LRP1B: variants seen among roughly 807,000 people sequenced by gnomAD.
LRP1B encodes LDL receptor related protein 1B.
Under a neutral mutation model 556.6 loss-of-function variants are expected in LRP1B, and 217 were observed. The ratio of observed to expected loss-of-function variants is 0.39; its 90% confidence interval spans 0.35 to 0.44. LRP1B has a LOEUF of 0.44. LRP1B is among the 20% of genes least tolerant of loss of function. The probability of loss-of-function intolerance (pLI) is 1.00; values close to 1 mark genes in which losing one functional copy is unlikely to be tolerated. For missense variants in LRP1B, 5,053 were observed against 5,620.8 expected, an observed-to-expected ratio of 0.90 and a Z score of 3.23; for synonymous variants, 2,047 against 1,865.8, an observed-to-expected ratio of 1.10 and a Z score of -2.50.
intron 1 of LRP1B, among the ~76,000 whole-genome samples, chr2:141,990,422 A>G (rs1163590666): frequency 6.6e-6 from 1 of 152,088 alleles, no homozygotes; most frequent in African/African-American, 2.4e-5. Context: ...AATTTATAGC[A>G]GTAATCTTGC....
At chr2:141,968,503 T>C (rs1369294380) in intron 1 of LRP1B, among the ~76,000 whole-genome samples, 1 of 151,670 alleles carries the variant, frequency 6.6e-6, no homozygotes, top group Non-Finnish European at 1.5e-5. Context: ...CACATGTAAA[T>C]ATGCAAAATA....
At position 141,707,164 on chromosome 2, in the gene LRP1B, C is replaced by A. The variant is rs1574265875; in HGVS notation, c.205+103115G>T. Among the ~76,000 whole-genome samples the A allele has an allele frequency of 2.6e-5, 4 of 152,202 alleles. No homozygotes were observed. The South Asian group carries it at 6.2e-4, about 24-fold the overall frequency. The stretch of plus-strand genomic sequence containing the variant: ...CATAGGTATATGGACTATGACTTTA[C>A]CTTCTGGAATGTGTGACGGTTTTGT... On this transcript the variant is annotated intron_variant, in intron 2 of 90. Coordinates refer to ENST00000389484, the MANE Select transcript of LRP1B (RefSeq NM_018557.3).
At chr2:141,729,238 C>T (rs1693169436) in intron 2 of LRP1B, among the ~76,000 whole-genome samples, 1 of 152,136 alleles carries the variant, frequency 6.6e-6, no homozygotes. Flanking sequence ...CACAGGACTT[C>T]CTTGGGGGCA....
chr2:141,650,749 T>G (rs919822964), intron 2 of LRP1B, among the ~76,000 whole-genome samples: 1 of 152,166 alleles, frequency 6.6e-6, no homozygotes, highest in Non-Finnish European at 1.5e-5. Context: ...GTGAATCAGT[T>G]TGAAAAAAAG....
At chr2:140,495,826 A>G (rs1688900679) in intron 55 of LRP1B, 78 bp from the exon 56 acceptor site, 1 of 1,173,420 alleles carries the variant, frequency 8.5e-7, no homozygotes, top group South Asian at 1.6e-5. Context: ...TTTAGCATTA[A>G]GCAAGAAAAG....
chr2:140,587,058 A>G (rs1225162216), intron 43 of LRP1B, among the ~76,000 whole-genome samples: 1 of 152,182 alleles, frequency 6.6e-6, no homozygotes, highest in Non-Finnish European at 1.5e-5. Flanking sequence ...AACGTAAAAT[A>G]ACTTAAATAA....
intron 70 of LRP1B, 84 bp downstream of exon 70, chr2:140,371,095 T>A: frequency 1.0e-6 from 1 of 960,084 alleles, no homozygotes; most frequent in Non-Finnish European, 1.5e-6. Flanking sequence ...AGAATCAAGA[T>A]TCTTTCTCTT....
At chr2:140,573,073 T>A (rs1439064014) in intron 43 of LRP1B, among the ~76,000 whole-genome samples, 1 of 151,804 alleles carries the variant, frequency 6.6e-6, no homozygotes, top group Admixed American at 6.6e-5. Flanking sequence ...AGTTCTAGTG[T>A]TCTATAGCAC....
intron 3 of LRP1B, among the ~76,000 whole-genome samples, chr2:141,259,904 T>G (rs544155135): frequency 7.0e-4 from 107 of 152,334 alleles, no homozygotes; most frequent in Admixed American, 1.9e-3. Flanking sequence ...TAATCATTTT[T>G]TATCAGTTTA....
chr2:140,714,352 G>T (rs1330243215), intron 37 of LRP1B, among the ~76,000 whole-genome samples: 1 of 152,070 alleles, frequency 6.6e-6, no homozygotes, highest in African/African-American at 2.4e-5. Context: ...CTAATATTCT[G>T]AATCAAGCTA....
At chr2:141,723,592 T>G (rs2105503738) in intron 2 of LRP1B, among the ~76,000 whole-genome samples, 1 of 151,926 alleles carries the variant, frequency 6.6e-6, no homozygotes, top group African/African-American at 2.4e-5. Context: ...TTGAGGTAAC[T>G]GTATATGTTG....
chr2:140,618,647 C>T (rs1227229743), intron 41 of LRP1B, among the ~76,000 whole-genome samples: 1 of 152,056 alleles, frequency 6.6e-6, no homozygotes, highest in Non-Finnish European at 1.5e-5. Flanking sequence ...ATATTCAGGA[C>T]AGAAGAACTT....
intron 1 of LRP1B, among the ~76,000 whole-genome samples, chr2:141,922,606 A>G (rs912929407): frequency 1.4e-4 from 22 of 152,182 alleles, no homozygotes. Flanking sequence ...ATTTTTGTAT[A>G]AAGAAGGTAT....
At chr2:141,926,714 G>A (rs1386692987) in intron 1 of LRP1B, among the ~76,000 whole-genome samples, 1 of 152,062 alleles carries the variant, frequency 6.6e-6, no homozygotes, top group Non-Finnish European at 1.5e-5. Context: ...GGTGAGGCCT[G>A]AATTGGAATT....
intron 1 of LRP1B, among the ~76,000 whole-genome samples, chr2:141,879,677 C>T (rs971008691): frequency 2.0e-5 from 3 of 151,622 alleles, no homozygotes; most frequent in African/African-American, 7.3e-5. Context: ...AGTAATTTAG[C>T]TTTATTTTCA....
intron 66 of LRP1B, among the ~76,000 whole-genome samples, chr2:140,432,978 AT>A (rs1344795209): frequency 1.2e-4 from 18 of 152,370 alleles, no homozygotes; most frequent in African/African-American, 4.3e-4. Context: ...CAGAATGAAA[AT>A]CCTAAAGCCA....
chr2:141,797,157 A>ATATATATATAAC (rs1695844003), intron 2 of LRP1B, among the ~76,000 whole-genome samples: 1 of 73,324 alleles, frequency 1.4e-5, no homozygotes, highest in African/African-American at 3.8e-5. Flanking sequence ...ATATATATAT[A>ATATATATATAAC]TATATATATA....
chr2:141,897,460 A>G (rs959512806), intron 1 of LRP1B, among the ~76,000 whole-genome samples: 4 of 152,122 alleles, frequency 2.6e-5, no homozygotes, highest in East Asian at 1.9e-4. Flanking sequence ...TGAGACAGTC[A>G]GAATAATGTG....
At chr2:141,628,207 G>A (rs886480587) in intron 2 of LRP1B, among the ~76,000 whole-genome samples, 1 of 152,098 alleles carries the variant, frequency 6.6e-6, no homozygotes, top group African/African-American at 2.4e-5. Flanking sequence ...TATTTCTTGT[G>A]ACATTGGTAA....
Sources: allele counts gnomAD v4.1 joint callset (sites outside exome capture counted in the v4.1 genomes callset), GRCh38; gene constraint gnomAD v4.1.1; transcripts MANE v1.5; gene names NCBI Gene and HGNC (gene_info 2026-07-23, HGNC 2026-07-21).